SLC22A23: variants seen among roughly 807,000 people sequenced by gnomAD.
SLC22A23 encodes ion transporter protein.
A neutral mutation model predicts 61.0 loss-of-function variants in SLC22A23; 26 were observed. The ratio of observed to expected loss-of-function variants is 0.43; its 90% confidence interval spans 0.31 to 0.59. SLC22A23 has a LOEUF of 0.59. Ranked by LOEUF, SLC22A23 falls within the 20% of genes least tolerant of loss-of-function variation. The pLI is 0.11. For missense variants in SLC22A23, 796 were observed against 934.7 expected, an observed-to-expected ratio of 0.85 and a Z score of 1.94; for synonymous variants, 430 against 413.9, an observed-to-expected ratio of 1.04 and a Z score of -0.47.
At chr6:3,373,793 C>T (rs1282406405) in intron 3 of SLC22A23, among the ~76,000 whole-genome samples, 1 of 152,116 alleles carries the variant, frequency 6.6e-6, no homozygotes, top group East Asian at 1.9e-4. Context: ...GTGATCGCTG[C>T]CCTTCAGAAA....
At chr6:3,305,004 T>C (rs1279391417) in intron 4 of SLC22A23, among the ~76,000 whole-genome samples, 1 of 152,030 alleles carries the variant, frequency 6.6e-6, no homozygotes, top group Non-Finnish European at 1.5e-5. Flanking sequence ...CCAGGAGATC[T>C]GGGCGCGAGA....
intron 1 of SLC22A23, among the ~76,000 whole-genome samples, chr6:3,430,623 C>G (rs1770796812): frequency 6.6e-6 from 1 of 152,096 alleles, no homozygotes; most frequent in African/African-American, 2.4e-5. Context: ...TTGGGGCAGG[C>G]TTAAGAAAGG....
At chr6:3,455,843 C>G (rs1772372357) in intron 1 of SLC22A23, 63 bp downstream of exon 1, 1 of 1,444,042 alleles carries the variant, frequency 6.9e-7, no homozygotes, top group Non-Finnish European at 9.1e-7. Flanking sequence ...CTCCCGCTGG[C>G]TCGGGCTTGG....
chr6:3,280,767 AT>A (rs1301119704), intron 9 of SLC22A23, among the ~76,000 whole-genome samples: 9 of 152,120 alleles, frequency 5.9e-5, no homozygotes, highest in African/African-American at 2.2e-4. Context: ...AAGTGCTGGG[AT>A]TACAGGCGTG....
In SLC22A23 at chr6:3,328,731, G is replaced by C. The variant is rs950309498; in HGVS notation, c.914-4729C>G. Among the ~76,000 whole-genome samples, 5 of 152,120 alleles carry C rather than the reference G, an allele frequency of 3.3e-5. No homozygotes were observed. The highest frequency in any genetic ancestry group is 1.2e-4 in the African/African-American group (5 of 41,414). On this transcript the variant is annotated intron_variant, in intron 3 of 9. Coordinates refer to ENST00000406686, the MANE Select transcript of SLC22A23 (RefSeq NM_015482.2). The surrounding 1 kb of genome is among the most constrained non-coding windows in gnomAD (Gnocchi z 5.0). ...CTGGCCCCTCATGGATGTCAGCCTGGCCACCCCTCACAGTCGTGTGGGCCA... is the reference window on the plus strand; with the variant it reads ...CTGGCCCCTCATGGATGTCAGCCTGCCCACCCCTCACAGTCGTGTGGGCCA...
Position 3,308,749 on chromosome 6 carries a change from C to T in SLC22A23, c.1083-10531G>A, listed in dbSNP as rs1464576012. 1.3e-5 allele frequency among the ~76,000 whole-genome samples: 2 copies of T among 152,076 alleles called. No individual in the cohort carries two copies. The highest frequency in any genetic ancestry group is 4.8e-5 in the African/African-American group (2 of 41,398). On this transcript the variant is annotated intron_variant, in intron 4 of 9. Transcript: ENST00000406686. This position sits in a 1 kb window ranked among gnomAD's most constrained non-coding sequence, Gnocchi z 5.1. ...CATGAGGTAAGGAGTTCAAGACCAG[C>T]CTGACCAACATGGTGAAACCCCGTC...
Position 3,410,145 on chromosome 6 carries a change from T to C in SLC22A23, c.913+43A>G, listed in dbSNP as rs758337460. 65 of 1,571,532 alleles carry C rather than the reference T, an allele frequency of 4.1e-5. No homozygotes were observed. The South Asian group carries it at 7.3e-4, about 18-fold the overall frequency. On this transcript the variant is annotated intron_variant, in intron 3 of 9. Coordinates refer to ENST00000406686, the MANE Select transcript of SLC22A23 (RefSeq NM_015482.2). This position sits in a 1 kb window ranked among gnomAD's most constrained non-coding sequence, Gnocchi z 5.0. Reference sequence around the variant, plus strand: ...CAGAACCTCCCAGGCAACAATACTTTTGCTAAATTCTTTCAAGACTAGTCG... The same window carrying C: ...CAGAACCTCCCAGGCAACAATACTTCTGCTAAATTCTTTCAAGACTAGTCG...
rs1758395668 is a variant in SLC22A23 at position 3,270,278 on chromosome 6, GAC to G, written c.*2775_*2776del. The G allele has an allele frequency of 6.6e-6, 1 of 152,394 alleles. No individual in the cohort carries two copies. The highest frequency in any genetic ancestry group is 6.5e-5 in the Admixed American group (1 of 15,290). 9.4% of individuals were successfully genotyped at this position (152,394 alleles called of 1,614,324 possible). A position where few individuals can be genotyped will look rare whatever the true frequency, so the allele number is the denominator to read the frequency against. ...GAACAGCACAGAGGGGTTCAAGCGT[GAC>G]AGACGGTGCTGGGAAGTGGGCAGCC... On this transcript the variant is annotated 3_prime_UTR_variant, in exon 10 of 10. Transcript: ENST00000406686.
intron 1 of SLC22A23, among the ~76,000 whole-genome samples, chr6:3,416,773 G>C (rs762511841): frequency 6.6e-6 from 1 of 152,236 alleles, no homozygotes; most frequent in African/African-American, 2.4e-5. Flanking sequence ...CAAAGCTTCT[G>C]GTCTGGACGC....
At chr6:3,282,377 C>T in intron 9 of SLC22A23, 1 of 695,524 alleles carries the variant, frequency 1.4e-6, no homozygotes, top group Non-Finnish European at 2.6e-6. Flanking sequence ...AATGCCTTGG[C>T]ATTTCTGTCC....
At chr6:3,359,261 C>T (rs182471848) in intron 3 of SLC22A23, among the ~76,000 whole-genome samples, 8 of 152,048 alleles carry the variant, frequency 5.3e-5, no homozygotes, top group East Asian at 1.9e-4. Context: ...GGGAATTCAC[C>T]GCCCTCAGGC....
chr6:3,413,799 A>G, intron 2 of SLC22A23, among the ~76,000 whole-genome samples: 1 of 152,152 alleles, frequency 6.6e-6, no homozygotes, highest in East Asian at 1.9e-4. Context: ...TCAAGCAGGG[A>G]GTCAAATGCC....
Position 3,323,840 on chromosome 6 carries a change from T to C in SLC22A23, c.1076A>G (p.Tyr359Cys). ...CTGTGCAGAGTGTACTCACGACCAG[T>C]AGAGCAGCATGAGCAGGAAGGGGCA... ...IICPFLLMLLYWSIFPESLRW... is the reference protein window; with the variant it reads ...IICPFLLMLLCWSIFPESLRW... Residue 359 changes from tyrosine to cysteine, a missense_variant, in exon 4 of 10, where the codon TAC becomes TGC. Physicochemically the swap from Tyr to Cys is radical, Grantham distance 194. Transcript: ENST00000406686. The C allele has an allele frequency of 6.2e-7, 1 of 1,613,656 alleles. No homozygotes were observed. The highest frequency in any genetic ancestry group is 8.5e-7 in the Non-Finnish European group (1 of 1,179,852).
intron 3 of SLC22A23, among the ~76,000 whole-genome samples, chr6:3,403,846 G>A (rs1162147550): frequency 3.3e-5 from 5 of 152,278 alleles, no homozygotes; most frequent in South Asian, 2.1e-4. Flanking sequence ...CCCAGGAAGC[G>A]ATCGCACAGC....
intron 1 of SLC22A23, among the ~76,000 whole-genome samples, chr6:3,450,305 G>C (rs910367647): frequency 1.3e-5 from 2 of 152,198 alleles, no homozygotes; most frequent in African/African-American, 4.8e-5. Context: ...AGTCAGTTCA[G>C]TATTTTATTA....
In SLC22A23 at chr6:3,298,148, G is replaced by A. The variant is rs764931066; in HGVS notation, c.1153C>T (p.His385Tyr). 6.3e-7 allele frequency: 1 copy of A among 1,591,606 alleles called. No homozygotes were observed. Among genetic ancestry groups the A allele is most frequent in the Admixed American group, 1.8e-5 (1 of 55,086 alleles). Reference protein sequence around the residue: ...QFESAKRLILHFTQKNRMNPE... With the variant: ...QFESAKRLILYFTQKNRMNPE... ...TTCATGCGATTCTTCTGTGTGAAGTGGAGGATCAGCCTCTTTGCAGACTCA... is the reference window on the plus strand; with the variant it reads ...TTCATGCGATTCTTCTGTGTGAAGTAGAGGATCAGCCTCTTTGCAGACTCA... The change falls in exon 5 of 10, where the codon CAC becomes TAC. Residue 385 changes from histidine to tyrosine, a missense_variant. His to Tyr is a moderately conservative substitution (Grantham distance 83). Coordinates refer to ENST00000406686, the MANE Select transcript of SLC22A23 (RefSeq NM_015482.2).
At chr6:3,441,591 GGGCTTCCCTGCCCACTGACGGAAGC>G (rs1421856174) in intron 1 of SLC22A23, among the ~76,000 whole-genome samples, 4 of 152,086 alleles carry the variant, frequency 2.6e-5, no homozygotes, top group Non-Finnish European at 5.9e-5. Context: ...ACAGCCCCCT[GGGCTTCCCTGCCCACTGACGGAAGC>G]GACTCCTCTG....
At chr6:3,391,925 G>A (rs1767685734) in intron 3 of SLC22A23, among the ~76,000 whole-genome samples, 1 of 152,152 alleles carries the variant, frequency 6.6e-6, no homozygotes, top group Non-Finnish European at 1.5e-5. Flanking sequence ...TAAGGAGCAA[G>A]CAGGAGCTGA....
At chr6:3,344,671 A>G (rs557609094) in intron 3 of SLC22A23, among the ~76,000 whole-genome samples, 2 of 152,388 alleles carry the variant, frequency 1.3e-5, no homozygotes, top group East Asian at 1.9e-4. Flanking sequence ...TGGAGGTAGA[A>G]GTGAACAGCG....
Sources: gnomAD v4.1 joint callset for allele counts (sites outside exome capture counted in the v4.1 genomes callset) on GRCh38, gnomAD v4.1.1 for gene constraint, Gnocchi (gnomAD v3.1) non-coding constraint, MANE v1.5 for transcripts, NCBI Gene and HGNC (gene_info 2026-07-23, HGNC 2026-07-21) for gene names.